Variants in TNS3 observed in about 807,000 individuals in gnomAD.
The protein encoded by TNS3 is tensin-3.
Under a neutral mutation model 140.9 loss-of-function variants are expected in TNS3, and 45 were observed. The ratio of observed to expected loss-of-function variants is 0.32; its 90% confidence interval spans 0.25 to 0.41. TNS3 has a LOEUF of 0.41. TNS3 is among the 10% of genes least tolerant of loss of function. The pLI is 1.00. For synonymous variants in TNS3, 815 were observed against 788.4 expected (o/e 1.03, Z -0.56); for missense variants, 1,716 against 1,906.7 (o/e 0.90, Z 1.86).
chr7:47,414,571 C>G (rs924260739), intron 11 of TNS3, among the ~76,000 whole-genome samples: 1 of 152,174 alleles, frequency 6.6e-6, no homozygotes, highest in Admixed American at 6.5e-5. Flanking sequence ...GAGACAGGGC[C>G]GTGATCCCCA....
In TNS3 at chr7:47,551,033, A is replaced by G. The variant is rs796814226; in HGVS notation, c.-264-21886T>C. ...ACATGAGCTCACTCAGAAAAAGGGC[A>G]AGGAGGGGCTCAGCCTCTTGGGAGC... On this transcript the variant is annotated intron_variant, in intron 1 of 30. Transcript: ENST00000311160. 1.5e-4 allele frequency among the ~76,000 whole-genome samples: 23 copies of G among 152,322 alleles called. 1 individual carries two copies. Among genetic ancestry groups the G allele is most frequent in the African/African-American group, 5.5e-4 (23 of 41,582 alleles).
chr7:47,559,851 C>T (rs1562856844), intron 1 of TNS3, among the ~76,000 whole-genome samples: 1 of 152,194 alleles, frequency 6.6e-6, no homozygotes, highest in African/African-American at 2.4e-5. Flanking sequence ...ACAAGGAAAC[C>T]CTGGCCTTCA....
intron 28 of TNS3, among the ~76,000 whole-genome samples, chr7:47,281,923 C>CCCCTGACCCTGA (rs71003390): frequency 3.4e-5 from 5 of 148,252 alleles, no homozygotes; most frequent in Admixed American, 6.7e-5. Flanking sequence ...CCTAGCCATG[C>CCCCTGACCCTGA]CCCTGACCCT....
chr7:47,317,763 G>C lies in TNS3; in HGVS notation c.2651-12760C>G, dbSNP rs114586120. ...GCCTAGAGACCACATCAAGCCTGCAGACAGAGCCAACACACAGCTGAGAAG... is the reference window on the plus strand; with the variant it reads ...GCCTAGAGACCACATCAAGCCTGCACACAGAGCCAACACACAGCTGAGAAG... On this transcript the variant is annotated intron_variant, in intron 20 of 30. Transcript: ENST00000311160. Among the ~76,000 whole-genome samples, 290 of 152,298 alleles carry C rather than the reference G, an allele frequency of 1.9e-3. 1 individual carries two copies. Among genetic ancestry groups the C allele is most frequent in the Middle Eastern group, 3.4e-3 (1 of 294 alleles).
intron 1 of TNS3, among the ~76,000 whole-genome samples, chr7:47,555,338 TTGCAGTGAGCTG>T (rs1425431738): frequency 6.6e-6 from 1 of 151,138 alleles, no homozygotes; most frequent in African/African-American, 2.4e-5. Context: ...GAGGCGGAGG[TTGCAGTGAGCTG>T]AAATCATGCC....
At chr7:47,550,821 C>T (rs1013829448) in intron 1 of TNS3, among the ~76,000 whole-genome samples, 7 of 152,152 alleles carry the variant, frequency 4.6e-5, no homozygotes, top group Non-Finnish European at 8.8e-5. Context: ...ATAATAATCA[C>T]ATCCATATTC....
At chr7:47,500,361 G>A (rs531213727) in intron 3 of TNS3, among the ~76,000 whole-genome samples, 1 of 152,362 alleles carries the variant, frequency 6.6e-6, no homozygotes, top group South Asian at 2.1e-4. Context: ...TACTGAGACG[G>A]CAGAGAGAGG....
chr7:47,359,150 T>C (rs1584476090), intron 17 of TNS3, among the ~76,000 whole-genome samples: 1 of 152,122 alleles, frequency 6.6e-6, no homozygotes, highest in African/African-American at 2.4e-5. Context: ...CAAGTCTCCA[T>C]CGAGAGAGGA....
chr7:47,527,618 G>A (rs957705645), intron 2 of TNS3, among the ~76,000 whole-genome samples: 4 of 152,100 alleles, frequency 2.6e-5, no homozygotes, highest in Non-Finnish European at 5.9e-5. Flanking sequence ...GTGCAGTGCC[G>A]TTTGCAAGTA....
chr7:47,323,888 T>C (rs1787886281), intron 20 of TNS3, among the ~76,000 whole-genome samples: 1 of 151,968 alleles, frequency 6.6e-6, no homozygotes, highest in Non-Finnish European at 1.5e-5. Context: ...AAATCCACAG[T>C]AAGGCAGGAA....
intron 20 of TNS3, among the ~76,000 whole-genome samples, chr7:47,333,403 C>A (rs1390521117): frequency 1.3e-5 from 2 of 152,224 alleles, no homozygotes; most frequent in Admixed American, 1.3e-4. Flanking sequence ...AGGCATGTAT[C>A]CAGGCATGTC....
At chr7:47,578,838 G>A (rs1345597740) in intron 1 of TNS3, among the ~76,000 whole-genome samples, 4 of 152,216 alleles carry the variant, frequency 2.6e-5, no homozygotes, top group African/African-American at 9.7e-5. Flanking sequence ...AGCTGCACTC[G>A]AAAAGCCCCA....
chr7:47,498,337 C>G (rs768933924), intron 3 of TNS3, among the ~76,000 whole-genome samples: 4 of 152,228 alleles, frequency 2.6e-5, no homozygotes, highest in Non-Finnish European at 4.4e-5. Context: ...CAGGCCTGGC[C>G]TGAGCCACGT....
chr7:47,392,440 G>A (rs921795588), intron 16 of TNS3, among the ~76,000 whole-genome samples: 9 of 152,210 alleles, frequency 5.9e-5, no homozygotes, highest in African/African-American at 1.4e-4. Context: ...AGATAAATGC[G>A]GCTTAAGTCA....
chr7:47,558,116 G>A (rs1431187932), intron 1 of TNS3, among the ~76,000 whole-genome samples: 4 of 152,238 alleles, frequency 2.6e-5, no homozygotes, highest in African/African-American at 7.2e-5. Flanking sequence ...GGGTGCTGAC[G>A]CCTGTATACA....
At chr7:47,547,065 T>C (rs1584844120) in intron 1 of TNS3, among the ~76,000 whole-genome samples, 1 of 152,192 alleles carries the variant, frequency 6.6e-6, no homozygotes, top group Non-Finnish European at 1.5e-5. Context: ...ACTGGCAGGG[T>C]TCATCTGTCC....
chr7:47,306,869 G>A (rs1019862151), intron 20 of TNS3, among the ~76,000 whole-genome samples: 9 of 152,186 alleles, frequency 5.9e-5, no homozygotes, highest in Non-Finnish European at 7.3e-5. Flanking sequence ...GAGCCACCAC[G>A]CGTGGCCTAG....
chr7:47,446,688 C>CTTTTTTTTTTTTTTTTTT (rs144042398), intron 4 of TNS3, among the ~76,000 whole-genome samples: 4 of 96,678 alleles, frequency 4.1e-5, no homozygotes, highest in Admixed American at 1.2e-4. Context: ...TCCAGGCTGC[C>CTTTTTTTTTTTTTTTTTT]TTTTTTTTTT....
chr7:47,546,557 G>A (rs770271859), intron 1 of TNS3, among the ~76,000 whole-genome samples: 12 of 152,100 alleles, frequency 7.9e-5, no homozygotes, highest in Non-Finnish European at 1.3e-4. Context: ...TAAAAGGTTC[G>A]ATGTATTGCT....
Sources: allele counts gnomAD v4.1 joint callset (sites outside exome capture counted in the v4.1 genomes callset), GRCh38; gene constraint gnomAD v4.1.1; transcripts MANE v1.5; gene names NCBI Gene and HGNC (gene_info 2026-07-23, HGNC 2026-07-21).